Variants in TDRD3 observed in about 807,000 individuals in gnomAD.
TDRD3 encodes the protein tudor domain-containing protein 3.
A neutral mutation model predicts 86.7 loss-of-function variants in TDRD3; 45 were observed. The ratio of observed to expected loss-of-function variants is 0.52; its 90% confidence interval spans 0.41 to 0.67. TDRD3 has a LOEUF of 0.67. Among genes scored for constraint, TDRD3 ranks in the 30% least tolerant of loss-of-function variants. The probability of loss-of-function intolerance (pLI) is 0.00; values close to 1 mark genes in which losing one functional copy is unlikely to be tolerated. For missense variants in TDRD3, 814 were observed against 889.0 expected (o/e 0.92, Z 1.07); for synonymous variants, 298 against 301.7 (o/e 0.99, Z 0.13).
chr13:60,495,698 C>T (rs570033419), intron 8 of TDRD3, among the ~76,000 whole-genome samples: 1 of 152,256 alleles, frequency 6.6e-6, no homozygotes, highest in Admixed American at 6.5e-5. Context: ...CTCCTGACCT[C>T]AGATGATCCA....
chr13:60,543,281 C>T (rs1295852035), intron 12 of TDRD3, among the ~76,000 whole-genome samples: 2 of 152,152 alleles, frequency 1.3e-5, no homozygotes, highest in Non-Finnish European at 2.9e-5. Context: ...ATTCTTGCCT[C>T]ATCCACCCTG....
intron 8 of TDRD3, among the ~76,000 whole-genome samples, chr13:60,509,194 T>G (rs1957001405): frequency 6.6e-6 from 1 of 152,168 alleles, no homozygotes; most frequent in African/African-American, 2.4e-5. Flanking sequence ...TCTAGATTTT[T>G]AAAAGAGATT....
chr13:60,549,427 A>G (rs1422399207), intron 12 of TDRD3, among the ~76,000 whole-genome samples: 1 of 152,100 alleles, frequency 6.6e-6, no homozygotes, highest in Non-Finnish European at 1.5e-5. Flanking sequence ...AATGCCCTAT[A>G]AAGCTGGTTT....
intron 12 of TDRD3, among the ~76,000 whole-genome samples, chr13:60,552,348 C>T (rs1958080140): frequency 6.6e-6 from 1 of 152,242 alleles, no homozygotes; most frequent in Admixed American, 6.5e-5. Flanking sequence ...AATTTTACAG[C>T]TCCAAAATAA....
At position 60,545,251 on chromosome 13, in the gene TDRD3, G is replaced by C. The variant is rs559124164; in HGVS notation, c.2118+10018G>C. Among the ~76,000 whole-genome samples the C allele has an allele frequency of 4.6e-5, 7 of 152,280 alleles. No individual in the cohort carries two copies. In the East Asian group the frequency reaches 1.4e-3, roughly 29 times the overall value. ...ATTGCTGGCATGGGTCTTGATTATA[G>C]TTTTACATGATAACAGCATGTTAAG... On this transcript the variant is annotated intron_variant, in intron 12 of 13. Coordinates refer to ENST00000377881, the MANE Select transcript of TDRD3 (RefSeq NM_001146070.2).
chr13:60,430,439 A>G (rs1398044210), intron 1 of TDRD3, among the ~76,000 whole-genome samples: 2 of 152,144 alleles, frequency 1.3e-5, no homozygotes, highest in African/African-American at 4.8e-5. Flanking sequence ...GAAAAAGAGG[A>G]CAGAAATATT....
chr13:60,474,338 G>T (rs1455723470), intron 5 of TDRD3, among the ~76,000 whole-genome samples: 3 of 152,168 alleles, frequency 2.0e-5, no homozygotes, highest in Admixed American at 1.3e-4. Context: ...GGCATTCGGG[G>T]TCACTACCGG....
At chr13:60,420,439 T>C (rs1954627396) in intron 1 of TDRD3, among the ~76,000 whole-genome samples, 2 of 152,258 alleles carry the variant, frequency 1.3e-5, no homozygotes, top group South Asian at 4.1e-4. Context: ...TGTTGCCTAC[T>C]TCAAGTTTGT....
rs186676281 is a variant in TDRD3 at position 60,565,679 on chromosome 13, C to G, written c.2119-1846C>G. ...GCCAAATATGGAGAAAAGTAGTATT[C>G]CATTCTAATTCCTGAAATAATTACT... On this transcript the variant is annotated intron_variant, in intron 12 of 13. Transcript: ENST00000377881. Among the ~76,000 whole-genome samples the G allele has an allele frequency of 4.1e-3, 627 of 152,160 alleles. 5 individuals carry two copies. The highest frequency in any genetic ancestry group is 0.014 in the African/African-American group (596 of 41,514).
intron 11 of TDRD3, 60 bp downstream of exon 11, chr13:60,529,277 CTT>C: frequency 1.3e-6 from 2 of 1,488,356 alleles, no homozygotes; most frequent in African/African-American, 2.8e-5. Flanking sequence ...TCTAGTGGGA[CTT>C]TATAGAAGCT....
chr13:60,548,547 T>G (rs1957981174), intron 12 of TDRD3, among the ~76,000 whole-genome samples: 1 of 152,220 alleles, frequency 6.6e-6, no homozygotes, highest in African/African-American at 2.4e-5. Context: ...TTAGATTACA[T>G]TATTAAAGAT....
chr13:60,459,918 G>T (rs569245248), intron 3 of TDRD3, among the ~76,000 whole-genome samples: 1 of 152,208 alleles, frequency 6.6e-6, no homozygotes, highest in Non-Finnish European at 1.5e-5. Context: ...ACCACACCCG[G>T]TCCAGAGAGC....
intron 11 of TDRD3, among the ~76,000 whole-genome samples, chr13:60,534,689 G>A (rs1328282075): frequency 6.6e-6 from 1 of 151,948 alleles, no homozygotes; most frequent in Admixed American, 6.6e-5. Context: ...ACTGTGGGAG[G>A]CCAAGGCAGG....
At position 60,397,321 on chromosome 13, in the gene TDRD3, A is replaced by AAAAC; in HGVS notation, c.-44_-43insAAAC. 8 of 1,113,160 alleles carry AAAAC rather than the reference A, an allele frequency of 7.2e-6. No homozygotes were observed. Among genetic ancestry groups the AAAAC allele is most frequent in the Non-Finnish European group, 8.4e-6 (7 of 829,448 alleles). 69.0% of individuals were successfully genotyped at this position (1,113,160 alleles called of 1,614,324 possible). On this transcript the variant is annotated 5_prime_UTR_variant, in exon 1 of 14. The change abolishes the stop of an existing upstream ORF in the 5' untranslated region. Coordinates refer to ENST00000377881, the MANE Select transcript of TDRD3 (RefSeq NM_001146070.2). ...GTCTCAAGTAGGAGGCCTCCCCATC[A>AAAAC]CCCCCACCCCAGCCCCCCACCACCC...
In TDRD3 at chr13:60,494,418, C is replaced by A; in HGVS notation, c.718-17C>A. The A allele has an allele frequency of 6.2e-7, 1 of 1,600,592 alleles. No homozygotes were observed. Among genetic ancestry groups the A allele is most frequent in the Non-Finnish European group, 8.5e-7 (1 of 1,172,570 alleles). On this transcript the variant is annotated splice_polypyrimidine_tract_variant and intron_variant, in intron 7 of 13. Coordinates refer to ENST00000377881, the MANE Select transcript of TDRD3 (RefSeq NM_001146070.2). The stretch of plus-strand genomic sequence containing the variant: ...TGCTGTCTACATACCTCTCTTTTAT[C>A]TTTCTCTTATGTAAAGACCAAGACA...
At chr13:60,412,912 C>T (rs1042521443) in intron 1 of TDRD3, among the ~76,000 whole-genome samples, 1 of 152,070 alleles carries the variant, frequency 6.6e-6, no homozygotes, top group Admixed American at 6.6e-5. Flanking sequence ...TTATAGATCT[C>T]TACATATCTA....
chr13:60,437,626 TATA>T (rs1310669755), intron 1 of TDRD3, among the ~76,000 whole-genome samples: 1 of 150,952 alleles, frequency 6.6e-6, no homozygotes, highest in Non-Finnish European at 1.5e-5. Context: ...AATAATCTAT[TATA>T]ATTTAAATTA....
Position 60,466,990 on chromosome 13 carries a change from G to T in TDRD3, c.354-248G>T, listed in dbSNP as rs563209708. ...TGTGTGTGTGTTTTTTTGTTTTTTT[G>T]TTTTAAGTTTCAGGGTACATGTGTA... On this transcript the variant is annotated intron_variant, in intron 4 of 13. Transcript: ENST00000377881. 0.047 allele frequency among the ~76,000 whole-genome samples: 7,190 copies of T among 151,478 alleles called. 215 individuals carry two copies. The highest frequency in any genetic ancestry group is 0.064 in the Non-Finnish European group (4,344 of 67,806).
At chr13:60,419,624 C>T (rs761538953) in intron 1 of TDRD3, among the ~76,000 whole-genome samples, 3 of 151,796 alleles carry the variant, frequency 2.0e-5, no homozygotes, top group Non-Finnish European at 4.4e-5. Context: ...CACACTGAGG[C>T]CTGTTGTGGG....
Sources: allele counts gnomAD v4.1 joint callset (sites outside exome capture counted in the v4.1 genomes callset), GRCh38; gene constraint gnomAD v4.1.1; transcripts MANE v1.5; gene names NCBI Gene and HGNC (gene_info 2026-07-23, HGNC 2026-07-21).